Variants in ONECUT2 observed in about 807,000 individuals in gnomAD.
ONECUT2 encodes one cut domain family member 2.
In ONECUT2, 10 loss-of-function variants were observed where a neutral mutation model predicts 27.9. The observed-to-expected ratio is 0.36, with a 90% CI of 0.22 to 0.61. The LOEUF (loss-of-function observed/expected upper bound fraction) is 0.61, where lower values mean the gene tolerates loss of function less well. Among genes scored for constraint, ONECUT2 ranks in the 20% least tolerant of loss-of-function variants. The pLI is 0.73. For synonymous variants in ONECUT2, 334 were observed against 315.1 expected (o/e 1.06, Z -0.64); for missense variants, 686 against 721.0 (o/e 0.95, Z 0.56).
At chr18:57,461,133 A>G (rs919051827) in intron 1 of ONECUT2, among the ~76,000 whole-genome samples, 3 of 151,032 alleles carry the variant, frequency 2.0e-5, no homozygotes, top group African/African-American at 7.3e-5. Context: ...ATACTCAAGT[A>G]TCCTAACCAC....
In ONECUT2 at chr18:57,435,567, C is replaced by T. The variant is rs1206696186; in HGVS notation, c.-150C>T. The T allele has an allele frequency of 2.4e-4, 94 of 390,424 alleles. No homozygotes were observed. The highest frequency in any genetic ancestry group is 1.9e-3 in the African/African-American group (82 of 43,934). The allele number at this position is 390,424 out of a possible 1,614,324, so 24.2% of individuals were successfully genotyped here. A position where few individuals can be genotyped will look rare whatever the true frequency, so the allele number is the denominator to read the frequency against. ...CGCCCCCACCCCGGGCGAGCCCGCC[C>T]GCAGCCCGGGGCGCACACCCGCACG... On this transcript the variant is annotated 5_prime_UTR_variant, in exon 1 of 2. Transcript: ENST00000491143.
At chr18:57,448,060 T>G (rs1160877568) in intron 1 of ONECUT2, among the ~76,000 whole-genome samples, 2 of 152,198 alleles carry the variant, frequency 1.3e-5, no homozygotes, top group Non-Finnish European at 2.9e-5. Flanking sequence ...ATCAGTTGCT[T>G]TGCTTTATTT....
In ONECUT2 at chr18:57,482,236, G is replaced by A. The variant is rs2050419729; in HGVS notation, c.*5513G>A. 3 of 152,164 alleles carry A rather than the reference G, an allele frequency of 2.0e-5. No individual in the cohort carries two copies. Among genetic ancestry groups the A allele is most frequent in the African/African-American group, 7.2e-5 (3 of 41,420 alleles). 9.4% of individuals were successfully genotyped at this position (152,164 alleles called of 1,614,324 possible). ...CTATCAATGATTTGTTTGTTTCCAA[G>A]GTCGGGGAGGGAAAGAGGGGAGGGT... On this transcript the variant is annotated 3_prime_UTR_variant, in exon 2 of 2. Transcript: ENST00000491143.
intron 1 of ONECUT2, among the ~76,000 whole-genome samples, chr18:57,462,485 A>T (rs1423013193): frequency 1.3e-5 from 2 of 152,148 alleles, no homozygotes; most frequent in Non-Finnish European, 2.9e-5. Flanking sequence ...TCCTGGGCTC[A>T]GGCAGTCCTC....
chr18:57,454,600 A>G (rs544404364), intron 1 of ONECUT2, among the ~76,000 whole-genome samples: 4 of 152,184 alleles, frequency 2.6e-5, no homozygotes, highest in East Asian at 3.9e-4. Flanking sequence ...ATTGCCTCCT[A>G]TCTCCTCAGT....
intron 1 of ONECUT2, among the ~76,000 whole-genome samples, chr18:57,458,906 A>G (rs1238072614): frequency 5.3e-5 from 8 of 152,120 alleles, no homozygotes; most frequent in South Asian, 4.1e-4. Flanking sequence ...TTTTTTTTGC[A>G]TAGTTGCTGG....
intron 1 of ONECUT2, among the ~76,000 whole-genome samples, chr18:57,466,782 G>A (rs1449998522): frequency 6.6e-6 from 1 of 152,220 alleles, no homozygotes; most frequent in Non-Finnish European, 1.5e-5. Context: ...TAGACCAAGT[G>A]CTCTCTAAAA....
At chr18:57,473,594 T>A (rs553398671) in intron 1 of ONECUT2, among the ~76,000 whole-genome samples, 40 of 152,264 alleles carry the variant, frequency 2.6e-4, no homozygotes, top group African/African-American at 9.1e-4. Flanking sequence ...ACTGTAGAAA[T>A]CAGGCAGACC....
At chr18:57,471,459 T>A (rs544830623) in intron 1 of ONECUT2, among the ~76,000 whole-genome samples, 2 of 152,160 alleles carry the variant, frequency 1.3e-5, no homozygotes, top group Non-Finnish European at 2.9e-5. Context: ...AAAGGCACTT[T>A]GTTTGTCCTG....
chr18:57,435,862 G>T lies in ONECUT2; in HGVS notation c.146G>T (p.Gly49Val). The T allele has an allele frequency of 9.9e-7, 1 of 1,011,854 alleles. No homozygotes were observed. The highest frequency in any genetic ancestry group is 4.5e-5 in the South Asian group (1 of 22,414). 62.7% of individuals were successfully genotyped at this position (1,011,854 alleles called of 1,614,324 possible). ...GSGGGGGGGGGGGGGGPGHEQ... is the reference protein window; with the variant it reads ...GSGGGGGGGGVGGGGGPGHEQ... ...GGCGGGGGCGGCGGCGGGGGCGGCG[G>T]GGGCGGCGGCGGGGGCCCGGGCCAT... Residue 49 changes from glycine to valine, a missense_variant, in exon 1 of 2, where the codon GGG becomes GTG. Around this residue, in one of 4 missense-constraint regions of ONECUT2, gnomAD observed 511 missense variants for 488.1 expected, o/e 1.05. Coordinates refer to ENST00000491143, the MANE Select transcript of ONECUT2 (RefSeq NM_004852.3).
chr18:57,471,964 T>A (rs926464743), intron 1 of ONECUT2, among the ~76,000 whole-genome samples: 2 of 152,184 alleles, frequency 1.3e-5, no homozygotes, highest in Admixed American at 1.3e-4. Context: ...GCTCCTGGCA[T>A]GCCCTCCCTG....
rs1290167201 is a variant in ONECUT2 at position 57,484,708 on chromosome 18, G to A, written c.*7985G>A. 6.6e-6 allele frequency: 1 copy of A among 152,178 alleles called. No homozygotes were observed. The highest frequency in any genetic ancestry group is 1.5e-5 in the Non-Finnish European group (1 of 68,074). 9.4% of individuals were successfully genotyped at this position (152,178 alleles called of 1,614,324 possible). ...GTAGTTGAGCTGGAAGAGACCTTAG[G>A]AATCATTTAGTCCAAGCCCCGGTGG... is the stretch of plus-strand genomic sequence containing the variant. On this transcript the variant is annotated 3_prime_UTR_variant, in exon 2 of 2. Transcript: ENST00000491143.
rs776136799 is a variant in ONECUT2, at chr18:57,435,741, C to T, written c.25C>T (p.Arg9Ter). The T allele has an allele frequency of 4.0e-6, 5 of 1,265,814 alleles. No individual in the cohort carries two copies. Among genetic ancestry groups the T allele is most frequent in the Non-Finnish European group, 4.1e-6 (4 of 971,226 alleles). 78.4% of individuals were successfully genotyped at this position (1,265,814 alleles called of 1,614,324 possible). ...AATGAAGGCTGCCTACACCGCCTATCGATGCCTCACCAAAGACCTAGAAGG... is the reference window on the plus strand; with the variant it reads ...AATGAAGGCTGCCTACACCGCCTATTGATGCCTCACCAAAGACCTAGAAGG... Reference protein sequence around the residue: MKAAYTAYRCLTKDLEGCA... With the variant: MKAAYTAY The change falls in exon 1 of 2, where the codon CGA becomes TGA. Residue 9 changes from arginine to a stop codon, truncating the protein, a stop_gained. Transcript: ENST00000491143. LOFTEE classifies it high-confidence loss of function.
chr18:57,455,049 A>G (rs111727670), intron 1 of ONECUT2, among the ~76,000 whole-genome samples: 43 of 152,330 alleles, frequency 2.8e-4, no homozygotes, highest in African/African-American at 8.4e-4. Flanking sequence ...CCTTATCAGA[A>G]AGTTATTTTT....
rs1447151579 is a variant in ONECUT2 at position 57,483,858 on chromosome 18, C to T, written c.*7135C>T. On this transcript the variant is annotated 3_prime_UTR_variant, in exon 2 of 2. Coordinates refer to ENST00000491143, the MANE Select transcript of ONECUT2 (RefSeq NM_004852.3). ...GGCCCTCGGAGCCTTCATATTGTAA[C>T]TTATTTATTTAACTTATTCAGCATC... The T allele has an allele frequency of 2.0e-5, 3 of 152,548 alleles. No homozygotes were observed. Among genetic ancestry groups the T allele is most frequent in the African/African-American group, 7.2e-5 (3 of 41,414 alleles). The allele number at this position is 152,548 out of a possible 1,614,324, so 9.4% of individuals were successfully genotyped here. A position where few individuals can be genotyped will look rare whatever the true frequency, so the allele number is the denominator to read the frequency against.
Position 57,479,357 on chromosome 18 carries a change from TA to T in ONECUT2, c.*2635del, listed in dbSNP as rs1568126260. 1 of 152,568 alleles carries T rather than the reference TA, an allele frequency of 6.6e-6. No individual in the cohort carries two copies. The highest frequency in any genetic ancestry group is 1.5e-5 in the Non-Finnish European group (1 of 68,024). 9.5% of individuals were successfully genotyped at this position (152,568 alleles called of 1,614,324 possible). ...AGAAAGATATATATAATATATAAAA[TA>T]CATATATAGATCAACTTGACATTGG... On this transcript the variant is annotated 3_prime_UTR_variant, in exon 2 of 2. Coordinates refer to ENST00000491143, the MANE Select transcript of ONECUT2 (RefSeq NM_004852.3).
chr18:57,458,705 C>A (rs540100233), intron 1 of ONECUT2, among the ~76,000 whole-genome samples: 1 of 152,138 alleles, frequency 6.6e-6, no homozygotes, highest in Admixed American at 6.5e-5. Flanking sequence ...GTACACACCT[C>A]CCTGTGTACC....
chr18:57,462,715 T>C (rs527392823), intron 1 of ONECUT2, among the ~76,000 whole-genome samples: 53 of 150,644 alleles, frequency 3.5e-4, no homozygotes, highest in African/African-American at 1.3e-3. Flanking sequence ...CCCTATGTTA[T>C]TTTCTTTCTT....
intron 1 of ONECUT2, chr18:57,444,528 C>T (rs781527406): frequency 1.4e-4 from 61 of 437,350 alleles, no homozygotes; most frequent in African/African-American, 2.8e-4. Context: ...TGCCCTACTG[C>T]GTCCTCCTGG....
Sources: allele counts gnomAD v4.1 joint callset (sites outside exome capture counted in the v4.1 genomes callset), GRCh38; gene constraint gnomAD v4.1.1; regional missense constraint gnomAD v4.1.1; transcripts MANE v1.5; gene names NCBI Gene and HGNC (gene_info 2026-07-23, HGNC 2026-07-21).